The following DOCK2 variants were observed in gnomAD, a reference collection of about 807,000 sequenced individuals.
The protein encoded by DOCK2 is dedicator of cytokinesis 2, also known as dedicator of cytokinesis protein 2.
A neutral mutation model predicts 248.9 loss-of-function variants in DOCK2; 87 were observed. The ratio of observed to expected loss-of-function variants is 0.35; its 90% CI spans 0.29 to 0.42. DOCK2 has a LOEUF of 0.42. Among genes scored for constraint, DOCK2 ranks in the 10% least tolerant of loss-of-function variants. The pLI, the probability that DOCK2 is intolerant of heterozygous loss-of-function variation, is 1.00. For missense variants in DOCK2, 1,747 were observed against 2,300.2 expected (o/e 0.76, Z 4.92); for synonymous variants, 805 against 821.6 (o/e 0.98, Z 0.35).
At chr5:169,935,776 A>G (rs1489452634) in intron 27 of DOCK2, among the ~76,000 whole-genome samples, 1 of 152,166 alleles carries the variant, frequency 6.6e-6, no homozygotes, top group Admixed American at 6.5e-5. Flanking sequence ...AGGAGAAAAA[A>G]CGCGTTGTGT....
At chr5:169,702,275 C>G (rs1433701933) in intron 13 of DOCK2, 28 bp from the exon 14 acceptor site, 1 of 1,611,762 alleles carries the variant, frequency 6.2e-7, no homozygotes, top group African/African-American at 1.3e-5. Context: ...TCCACACTAA[C>G]TCTTGTCTCT....
At chr5:169,828,822 C>T (rs1273392252) in intron 26 of DOCK2, among the ~76,000 whole-genome samples, 3 of 152,162 alleles carry the variant, frequency 2.0e-5, no homozygotes, top group Admixed American at 6.5e-5. Context: ...AACTTAAATC[C>T]GCTTAATAAA....
At chr5:169,658,432 A>G (rs1441645923) in intron 2 of DOCK2, among the ~76,000 whole-genome samples, 1 of 140,384 alleles carries the variant, frequency 7.1e-6, no homozygotes, top group Admixed American at 7.4e-5. Flanking sequence ...GTAAGCCAAG[A>G]TCGCACCACT....
At chr5:169,756,135 T>G (rs1267438965) in intron 23 of DOCK2, among the ~76,000 whole-genome samples, 1 of 152,242 alleles carries the variant, frequency 6.6e-6, no homozygotes, top group Non-Finnish European at 1.5e-5. Flanking sequence ...AGCTACTTGC[T>G]TCATTTGACT....
At chr5:169,717,166 A>G (rs1165914326) in intron 20 of DOCK2, among the ~76,000 whole-genome samples, 1 of 152,204 alleles carries the variant, frequency 6.6e-6, no homozygotes, top group East Asian at 1.9e-4. Context: ...CTCAAAACCT[A>G]TTTGACCATG....
At chr5:170,020,261 A>G (rs111913365) in intron 33 of DOCK2, among the ~76,000 whole-genome samples, 5,266 of 152,172 alleles carry the variant, frequency 0.035, 131 homozygotes, top group Middle Eastern at 0.13. Flanking sequence ...TTCTCTGCAC[A>G]GTCACAACCC....
intron 22 of DOCK2, 26 bp downstream of exon 22, chr5:169,718,817 T>C: frequency 1.2e-6 from 2 of 1,601,500 alleles, no homozygotes; most frequent in Non-Finnish European, 1.7e-6. Flanking sequence ...GTAAGAGTGA[T>C]TGATTAGCTC....
intron 39 of DOCK2, among the ~76,000 whole-genome samples, chr5:170,047,221 G>A (rs1373104335): frequency 6.6e-6 from 1 of 152,148 alleles, no homozygotes; most frequent in Non-Finnish European, 1.5e-5. Flanking sequence ...CTTACTGGCT[G>A]CTTTACGAGA....
intron 26 of DOCK2, among the ~76,000 whole-genome samples, chr5:169,811,130 G>A (rs1454252606): frequency 1.3e-5 from 2 of 152,106 alleles, no homozygotes; most frequent in Non-Finnish European, 2.9e-5. Flanking sequence ...GCATGAGCAT[G>A]AATCCTCCAG....
chr5:169,878,884 C>T (rs995704500), intron 27 of DOCK2, among the ~76,000 whole-genome samples: 11 of 152,132 alleles, frequency 7.2e-5, no homozygotes, highest in African/African-American at 1.2e-4. Flanking sequence ...CCTTTATGTA[C>T]GGAAATCCCT....
At chr5:169,832,665 A>G (rs1039081553) in intron 26 of DOCK2, among the ~76,000 whole-genome samples, 1 of 152,218 alleles carries the variant, frequency 6.6e-6, no homozygotes, top group Non-Finnish European at 1.5e-5. Flanking sequence ...AGAGAGGGTG[A>G]CTGTACTGTA....
chr5:170,079,160 G>T lies in DOCK2; in HGVS notation c.5166+14G>T, dbSNP rs770457065. ...GACCTGAAGCGGGTGAGTGGCTGAG[G>T]CAGATTGCCTCTCCAGCGCTGTTAG... On this transcript the variant is annotated intron_variant, in intron 49 of 51. Coordinates refer to ENST00000520908, the MANE Select transcript of DOCK2 (RefSeq NM_004946.3). 2.0e-5 allele frequency: 32 copies of T among 1,611,690 alleles called. No homozygotes were observed.
At chr5:169,946,599 C>T (rs937165070) in intron 27 of DOCK2, among the ~76,000 whole-genome samples, 6 of 152,140 alleles carry the variant, frequency 3.9e-5, no homozygotes, top group African/African-American at 1.4e-4. Flanking sequence ...TTTTTCATTC[C>T]ACCAGTCTAC....
intron 25 of DOCK2, among the ~76,000 whole-genome samples, chr5:169,775,204 C>G (rs1439706498): frequency 6.6e-6 from 1 of 152,198 alleles, no homozygotes; most frequent in Non-Finnish European, 1.5e-5. Flanking sequence ...GCCACCACAC[C>G]CAGCCATATG....
chr5:169,688,587 C>T (rs72841135), intron 8 of DOCK2, among the ~76,000 whole-genome samples: 6,558 of 152,256 alleles, frequency 0.043, 136 homozygotes, highest in Middle Eastern at 0.061. Flanking sequence ...TTCTGATGAA[C>T]ATTTCCTTTG....
At chr5:169,905,253 T>G (rs1774212491) in intron 27 of DOCK2, among the ~76,000 whole-genome samples, 1 of 151,122 alleles carries the variant, frequency 6.6e-6, no homozygotes, top group South Asian at 2.1e-4. Context: ...GCAGCCCCAG[T>G]TGGTGAATGA....
chr5:169,882,975 A>C, intron 27 of DOCK2: 1 of 1,551,656 alleles, frequency 6.4e-7, no homozygotes, highest in Non-Finnish European at 8.7e-7. Context: ...GGGAACTGTG[A>C]GTCCGTGGAG....
At chr5:169,821,368 G>A (rs2113236519) in intron 26 of DOCK2, among the ~76,000 whole-genome samples, 1 of 152,326 alleles carries the variant, frequency 6.6e-6, no homozygotes, top group South Asian at 2.1e-4. Context: ...GGCAGCCAGA[G>A]AGAAAGGTCG....
intron 27 of DOCK2, among the ~76,000 whole-genome samples, chr5:169,969,998 G>C (rs76301125): frequency 6.6e-6 from 1 of 152,240 alleles, no homozygotes; most frequent in African/African-American, 2.4e-5. Context: ...AAGCATTTCT[G>C]TGGGCTATGT....
Sources: gnomAD v4.1 joint callset for allele counts (sites outside exome capture counted in the v4.1 genomes callset) on GRCh38, gnomAD v4.1.1 for gene constraint, MANE v1.5 for transcripts, NCBI Gene and HGNC (gene_info 2026-07-23, HGNC 2026-07-21) for gene names.